ADCY8: variants seen among roughly 807,000 people sequenced by gnomAD.
The protein encoded by ADCY8 is adenylate cyclase 8, also known as adenylate cyclase type 8.
In ADCY8, 51 loss-of-function variants were observed where a neutral mutation model predicts 119.7. That is an observed-to-expected ratio of 0.43 (90% CI 0.34 to 0.54). ADCY8 has a LOEUF of 0.54. Ranked by LOEUF, ADCY8 falls within the 20% of genes least tolerant of loss-of-function variation. The pLI is 0.03. For missense variants in ADCY8, 1,383 were observed against 1,598.8 expected, an observed-to-expected ratio of 0.87 and a Z score of 2.30; for synonymous variants, 665 against 651.0, an observed-to-expected ratio of 1.02 and a Z score of -0.33.
intron 5 of ADCY8, among the ~76,000 whole-genome samples, chr8:130,930,561 A>G (rs1418101033): frequency 2.6e-5 from 4 of 151,754 alleles, no homozygotes; most frequent in Non-Finnish European, 5.9e-5. Flanking sequence ...TCTTGCTTCT[A>G]TTTTTTGTGT....
intron 12 of ADCY8, among the ~76,000 whole-genome samples, chr8:130,829,742 A>G (rs1816773157): frequency 6.6e-6 from 1 of 152,238 alleles, no homozygotes. Flanking sequence ...TAATAATTGC[A>G]GGAAAGATTT....
intron 1 of ADCY8, among the ~76,000 whole-genome samples, chr8:131,014,978 G>A (rs149908285): frequency 2.5e-4 from 38 of 152,268 alleles, no homozygotes; most frequent in African/African-American, 6.3e-4. Flanking sequence ...AAAATGGGAC[G>A]TATTTCAGAG....
At chr8:130,888,501 TG>T (rs1819070645) in intron 7 of ADCY8, among the ~76,000 whole-genome samples, 1 of 152,098 alleles carries the variant, frequency 6.6e-6, no homozygotes, top group Non-Finnish European at 1.5e-5. Flanking sequence ...TTTCCCAAAA[TG>T]ATGTTGAATT....
intron 11 of ADCY8, among the ~76,000 whole-genome samples, chr8:130,844,350 C>CT (rs1011322526): frequency 1.3e-5 from 2 of 152,154 alleles, no homozygotes; most frequent in African/African-American, 4.8e-5. Flanking sequence ...CATCTTCACT[C>CT]TTTTTTAGCA....
At chr8:130,885,306 A>T (rs1447179041) in intron 7 of ADCY8, among the ~76,000 whole-genome samples, 2 of 151,866 alleles carry the variant, frequency 1.3e-5, no homozygotes, top group Non-Finnish European at 2.9e-5. Flanking sequence ...AGATTGCTAA[A>T]TTTTTTACTT....
Position 131,001,338 on chromosome 8 carries a change from CT to C in ADCY8, c.961-10797del, listed in dbSNP as rs533000214. Reference sequence around the variant, plus strand: ...GGTGGGGAAGCTTCCTACTAAACGCCTTTGCACCTGCCAGATGCTGGAGCTT... The same window carrying C: ...GGTGGGGAAGCTTCCTACTAAACGCCTTGCACCTGCCAGATGCTGGAGCTT... On this transcript the variant is annotated intron_variant, in intron 1 of 17. Transcript: ENST00000286355. Among the ~76,000 whole-genome samples the C allele has an allele frequency of 1.8e-4, 27 of 152,142 alleles. No homozygotes were observed. The East Asian group carries it at 5.2e-3, about 29-fold the overall frequency.
In ADCY8 at chr8:130,884,661, A is replaced by G. The variant is rs772901570; in HGVS notation, c.2012T>C (p.Ile671Thr). 3 of 1,613,862 alleles carry G rather than the reference A, an allele frequency of 1.9e-6. No homozygotes were observed. The highest frequency in any genetic ancestry group is 1.1e-5 in the South Asian group (1 of 91,072). The change falls in exon 8 of 18, where the codon ATA (isoleucine) becomes ACA (threonine). Residue 671 changes from isoleucine (I) to threonine (T), a missense_variant. Ile to Thr is a moderately conservative substitution (Grantham distance 89, BLOSUM62 -1). Transcript: ENST00000286355. The part of the protein sequence containing the change: ...QSGPEEINKR[I>T]EHTIDLRSGD... ...ACTCCGCAAGTCGATGGTATGTTCT[A>G]TTCTCTTGTTAATTTCCTCAGGCCC...
At chr8:130,936,414 CT>C (rs1820788369) in intron 5 of ADCY8, among the ~76,000 whole-genome samples, 1 of 152,198 alleles carries the variant, frequency 6.6e-6, no homozygotes, top group Admixed American at 6.5e-5. Context: ...AGTGCAACCT[CT>C]TAACATGACT....
chr8:130,807,843 G>A (rs1816017681), intron 14 of ADCY8, among the ~76,000 whole-genome samples: 1 of 149,246 alleles, frequency 6.7e-6, no homozygotes, highest in Admixed American at 6.8e-5. Context: ...AATTAGCCGG[G>A]CGTAGTGGCG....
chr8:130,965,372 T>C (rs1821730745), intron 2 of ADCY8, among the ~76,000 whole-genome samples: 3 of 152,202 alleles, frequency 2.0e-5, no homozygotes, highest in Admixed American at 6.5e-5. Context: ...AAACTACCTG[T>C]TGGGTACTAT....
rs1482659028 is a variant in ADCY8 at position 131,039,962 on chromosome 8, C to T, written c.372G>A (p.Gly124=). ...CAAGGTGCAGGAAGCCCAGGTCGCC[C>T]CCGCCTCCGCTGCCGCTGGCACTGC... ...GSGSASGSGG[G]GDLGFLHLDC... The change falls in exon 1 of 18, where the codon GGG becomes GGA. Residue 124 remains glycine (G), a synonymous_variant. Coordinates refer to ENST00000286355, the MANE Select transcript of ADCY8 (RefSeq NM_001115.3). 1.9e-6 allele frequency: 3 copies of T among 1,587,418 alleles called. No individual in the cohort carries two copies. The highest frequency in any genetic ancestry group is 2.7e-5 in the African/African-American group (2 of 74,486).
chr8:130,803,097 C>G (rs1815832533), intron 14 of ADCY8, among the ~76,000 whole-genome samples: 2 of 152,214 alleles, frequency 1.3e-5, no homozygotes, highest in East Asian at 3.8e-4. Flanking sequence ...AAATCCTTGT[C>G]TCAAGGTTTG....
At chr8:130,959,765 T>C (rs1821542603) in intron 2 of ADCY8, among the ~76,000 whole-genome samples, 1 of 152,192 alleles carries the variant, frequency 6.6e-6, no homozygotes, top group South Asian at 2.1e-4. Context: ...GAGAGCAGTA[T>C]GTGCAAAGGC....
intron 5 of ADCY8, among the ~76,000 whole-genome samples, chr8:130,912,999 C>A (rs1224744265): frequency 6.6e-6 from 1 of 152,136 alleles, no homozygotes; most frequent in African/African-American, 2.4e-5. Flanking sequence ...CAGCCATGCC[C>A]ACTACTATAC....
At chr8:130,819,720 T>C (rs1816448974) in intron 13 of ADCY8, among the ~76,000 whole-genome samples, 2 of 152,150 alleles carry the variant, frequency 1.3e-5, no homozygotes, top group African/African-American at 4.8e-5. Context: ...CCCCTAGAAA[T>C]GAAAGCTGTC....
intron 12 of ADCY8, among the ~76,000 whole-genome samples, chr8:130,824,426 T>C (rs1454075059): frequency 1.3e-5 from 2 of 152,210 alleles, no homozygotes; most frequent in African/African-American, 2.4e-5. Flanking sequence ...TAGCTATCAA[T>C]TCAGATCTCA....
At chr8:130,929,135 A>AT (rs1321063665) in intron 5 of ADCY8, among the ~76,000 whole-genome samples, 1 of 151,490 alleles carries the variant, frequency 6.6e-6, no homozygotes, top group Admixed American at 6.6e-5. Flanking sequence ...GGTTTTGTTT[A>AT]TTTTTTCTAG....
At chr8:130,874,657 C>A (rs1818493622) in intron 8 of ADCY8, among the ~76,000 whole-genome samples, 3 of 152,114 alleles carry the variant, frequency 2.0e-5, no homozygotes. Context: ...AGGACACCTG[C>A]CCAGGGGTGA....
intron 5 of ADCY8, among the ~76,000 whole-genome samples, chr8:130,927,837 A>G (rs1820517999): frequency 6.6e-6 from 1 of 152,172 alleles, no homozygotes; most frequent in Admixed American, 6.5e-5. Flanking sequence ...TCCAGTACCT[A>G]TATTGAATAG....
Sources: allele counts gnomAD v4.1 joint callset (sites outside exome capture counted in the v4.1 genomes callset), GRCh38; gene constraint gnomAD v4.1.1; transcripts MANE v1.5; gene names NCBI Gene and HGNC (gene_info 2026-07-23, HGNC 2026-07-21).